Variants in TMEM9 observed in about 807,000 individuals in gnomAD.
TMEM9 encodes transmembrane protein 9.
Under a neutral mutation model 22.8 loss-of-function variants are expected in TMEM9, and 13 were observed. The observed-to-expected ratio is 0.57, with a 90% CI of 0.37 to 0.91. The LOEUF (loss-of-function observed/expected upper bound fraction) is 0.91. TMEM9 is among the 40% of genes least tolerant of loss of function. The pLI is 0.01. For synonymous variants in TMEM9, 88 were observed against 93.0 expected, an observed-to-expected ratio of 0.95 and a Z score of 0.31; for missense variants, 182 against 238.1, an observed-to-expected ratio of 0.76 and a Z score of 1.55.
rs776119463 is a variant in TMEM9 at position 201,135,695 on chromosome 1, T to C, written c.520A>G (p.Thr174Ala). 5.1e-5 allele frequency: 82 copies of C among 1,613,528 alleles called. No individual in the cohort carries two copies. Among genetic ancestry groups the C allele is most frequent in the Non-Finnish European group, 1.4e-5 (17 of 1,179,794 alleles). ...WKLQVQEQRK[T>A]VFDRHKMLS ...AGCATCTTGTGCCGATCGAAGACTG[T>C]CTTCCGCTGCTCCTGCACCTGCAGC... Residue 174 changes from threonine to alanine, a missense_variant, in exon 5 of 5, where the codon ACA (threonine) becomes GCA (alanine). Transcript: ENST00000367330.
At chr1:201,159,920 A>G (rs1451502207) in intron 1 of TMEM9, among the ~76,000 whole-genome samples, 1 of 152,224 alleles carries the variant, frequency 6.6e-6, no homozygotes, top group African/African-American at 2.4e-5. Context: ...CCTGATGTGT[A>G]CAGTCCTGGG....
chr1:201,159,600 A>G (rs1354119883), intron 1 of TMEM9, among the ~76,000 whole-genome samples: 1 of 142,606 alleles, frequency 7.0e-6, no homozygotes, highest in Admixed American at 7.1e-5. Context: ...TTTTAAAGAG[A>G]TGAGGGTTTT....
rs188559916 is a variant in TMEM9, at chr1:201,170,837, A to G, written c.-37+653T>C. 4.0e-3 allele frequency among the ~76,000 whole-genome samples: 612 copies of G among 151,554 alleles called. 7 individuals carry two copies. The highest frequency in any genetic ancestry group is 0.014 in the African/African-American group (586 of 41,370). ...CCACCCCCTAGTGACCGCACACTCC[A>G]GCCGTCCAATCCCGTCACCACCCCG... On this transcript the variant is annotated intron_variant, in intron 1 of 5. Transcript: ENST00000367333.
chr1:201,154,229 C>G lies in TMEM9; in HGVS notation c.-306G>C, dbSNP rs1177737820. ...TCCTTCTCAAGGCCCGGCTCTGACC[C>G]GCGCATCACGTCCCACCGCCCTCCG... is the stretch of plus-strand genomic sequence containing the variant. On this transcript the variant is annotated 5_prime_UTR_variant, in exon 1 of 5. Transcript: ENST00000367330. 1 of 293,906 alleles carries G rather than the reference C, an allele frequency of 3.4e-6. No individual in the cohort carries two copies. Among genetic ancestry groups the G allele is most frequent in the Non-Finnish European group, 6.4e-6 (1 of 155,426 alleles). The allele number at this position is 293,906 out of a possible 1,614,324, so 18.2% of individuals were successfully genotyped here. A position where few individuals can be genotyped will look rare whatever the true frequency, so the allele number is the denominator to read the frequency against.
chr1:201,147,947 C>T (rs957273819), intron 2 of TMEM9, among the ~76,000 whole-genome samples: 1 of 152,214 alleles, frequency 6.6e-6, no homozygotes, highest in African/African-American at 2.4e-5. Context: ...CCCAACCCCC[C>T]GCCAATGCAC....
rs946062655 is a variant in TMEM9, at chr1:201,153,857, C to A, written c.66+1G>T. 1.2e-6 allele frequency: 2 copies of A among 1,614,208 alleles called. No homozygotes were observed. The highest frequency in any genetic ancestry group is 3.3e-5 in the Admixed American group (2 of 60,030). On this transcript the variant is annotated splice_donor_variant, in intron 1 of 4. Coordinates refer to ENST00000367330, the MANE Select transcript of TMEM9 (RefSeq NM_001288565.2). LOFTEE classifies it high-confidence loss of function. ...AGGTGCTGCAGGCTCACCTCCCTCA[C>A]CTTGTTGGCTTCAGCTGGGGGCACC...
At chr1:201,162,878 A>G (rs1665979483) in intron 1 of TMEM9, among the ~76,000 whole-genome samples, 3 of 152,236 alleles carry the variant, frequency 2.0e-5, no homozygotes, top group African/African-American at 7.2e-5. Flanking sequence ...CAGTAAAAAA[A>G]AAATACAATT....
rs186591666 is a variant in TMEM9 at position 201,146,137 on chromosome 1, G to C, written c.267+603C>G. On this transcript the variant is annotated intron_variant, in intron 3 of 4. Coordinates refer to ENST00000367330, the MANE Select transcript of TMEM9 (RefSeq NM_001288565.2). ...CTAGAAGACACGGGAAGTTCTGCCT[G>C]GTGCAGGAATGAACAGACACCTCGT... Among the ~76,000 whole-genome samples, 5 of 152,316 alleles carry C rather than the reference G, an allele frequency of 3.3e-5. No homozygotes were observed. In the East Asian group the frequency reaches 9.6e-4, roughly 29 times the overall value.
intron 3 of TMEM9, 108 bp from the exon 4 acceptor site, chr1:201,144,059 G>A (rs1664759154): frequency 3.1e-6 from 4 of 1,309,492 alleles, no homozygotes; most frequent in Non-Finnish European, 4.2e-6. Context: ...TCCTCAAGTG[G>A]TGCACTAAGA....
At chr1:201,170,328 C>T (rs1666179867) in intron 1 of TMEM9, among the ~76,000 whole-genome samples, 2 of 152,322 alleles carry the variant, frequency 1.3e-5, no homozygotes, top group South Asian at 4.1e-4. Flanking sequence ...ATTACTAGAA[C>T]AAGAGCCAAA....
At chr1:201,155,402 C>G (rs943930558), upstream of TMEM9, among the ~76,000 whole-genome samples, 6 of 152,164 alleles carry the variant, frequency 3.9e-5, no homozygotes, top group African/African-American at 1.4e-4. Context: ...GGGGCTGGGT[C>G]CAGGTGGAAT....
At chr1:201,170,579 C>T (rs946017964) in intron 1 of TMEM9, among the ~76,000 whole-genome samples, 1 of 152,128 alleles carries the variant, frequency 6.6e-6, no homozygotes, top group Non-Finnish European at 1.5e-5. Context: ...GAGACAGACA[C>T]GCTGACGGGC....
chr1:201,151,770 T>C lies in TMEM9; in HGVS notation c.149A>G (p.Gln50Arg). The C allele has an allele frequency of 6.2e-7, 1 of 1,613,872 alleles. No homozygotes were observed. Among genetic ancestry groups the C allele is most frequent in the Non-Finnish European group, 8.5e-7 (1 of 1,179,780 alleles). The change falls in exon 2 of 5, where the codon CAG becomes CGG. Residue 50 changes from glutamine (Q) to arginine (R), a missense_variant. Coordinates refer to ENST00000367330, the MANE Select transcript of TMEM9 (RefSeq NM_001288565.2). ...GCGTGTAATGCCTTACCAGTCCTTCTGGGATACATTCTGGTTGTAAATGTG... is the reference window on the plus strand; with the variant it reads ...GCGTGTAATGCCTTACCAGTCCTTCCGGGATACATTCTGGTTGTAAATGTG... ...SGHIYNQNVSQKDCNCLHVVE... is the reference protein window; with the variant it reads ...SGHIYNQNVSRKDCNCLHVVE...
chr1:201,146,512 C>G (rs1664984176), intron 3 of TMEM9: 6 of 633,870 alleles, frequency 9.5e-6, no homozygotes, highest in Middle Eastern at 3.3e-4. Context: ...TCCCAGGGCT[C>G]TCCCCTCTCA....
chr1:201,159,294 T>G (rs762344747), upstream of TMEM9, among the ~76,000 whole-genome samples: 2 of 152,206 alleles, frequency 1.3e-5, no homozygotes, highest in Non-Finnish European at 2.9e-5. Context: ...TAAAATAGTA[T>G]GGGCACCATC....
At position 201,153,942 on chromosome 1, in the gene TMEM9, G is replaced by C. The variant is rs749782069; in HGVS notation, c.-19C>G. 6 of 1,595,344 alleles carry C rather than the reference G, an allele frequency of 3.8e-6. No individual in the cohort carries two copies. The Admixed American group carries it at 5.3e-5, about 14-fold the overall frequency. The stretch of plus-strand genomic sequence containing the variant: ...GCTTCATGCTTATCAGGCTTGCTGG[G>C]CCAGCAAAGCCGGACACCTGGAAAA... On this transcript the variant is annotated 5_prime_UTR_variant, in exon 1 of 5. Transcript: ENST00000367330.
intron 1 of TMEM9, among the ~76,000 whole-genome samples, chr1:201,153,591 C>G (rs765717152): frequency 3.0e-4 from 46 of 152,208 alleles, no homozygotes; most frequent in Non-Finnish European, 5.9e-4. Flanking sequence ...ATAACTTCTC[C>G]AAACTTCCTT....
intron 2 of TMEM9, 45 bp downstream of exon 2, chr1:201,151,716 C>T: frequency 6.8e-7 from 1 of 1,462,726 alleles, no homozygotes; most frequent in Non-Finnish European, 9.6e-7. Flanking sequence ...ACACCCATAA[C>T]TTCAACTGGG....
chr1:201,160,691 CT>C (rs1309397620), intron 1 of TMEM9, among the ~76,000 whole-genome samples: 1 of 151,512 alleles, frequency 6.6e-6, no homozygotes, highest in South Asian at 2.1e-4. Flanking sequence ...AATCCCAGCA[CT>C]TTGGGAGGCT....
Sources: gnomAD v4.1 joint callset for allele counts (sites outside exome capture counted in the v4.1 genomes callset) on GRCh38, gnomAD v4.1.1 for gene constraint, MANE v1.5 for transcripts, NCBI Gene and HGNC (gene_info 2026-07-23, HGNC 2026-07-21) for gene names.